The following ABCD2 variants were observed in gnomAD, a reference collection of about 807,000 sequenced individuals.
The protein encoded by ABCD2 is ATP-binding cassette sub-family D member 2.
In ABCD2, 36 loss-of-function variants were observed where a neutral mutation model predicts 70.9. The ratio of observed to expected loss-of-function variants is 0.51; its 90% CI spans 0.39 to 0.67. The LOEUF (loss-of-function observed/expected upper bound fraction) is 0.67. Among genes scored for constraint, ABCD2 ranks in the 30% least tolerant of loss-of-function variants. The probability of loss-of-function intolerance (pLI) is 0.00; values close to 1 mark genes in which losing one functional copy is unlikely to be tolerated. For missense variants in ABCD2, 729 were observed against 890.2 expected (o/e 0.82, Z 2.30); for synonymous variants, 304 against 306.9 (o/e 0.99, Z 0.10).
At chr12:39,574,198 T>C (rs1941486658) in intron 8 of ABCD2, among the ~76,000 whole-genome samples, 1 of 152,086 alleles carries the variant, frequency 6.6e-6, no homozygotes, top group African/African-American at 2.4e-5. Context: ...ACTAACTACA[T>C]GAAAAATACA....
intron 7 of ABCD2, among the ~76,000 whole-genome samples, chr12:39,582,207 A>C (rs948562469): frequency 3.3e-5 from 5 of 152,194 alleles, no homozygotes; most frequent in African/African-American, 9.7e-5. Context: ...TATTGTTTAA[A>C]AAGCCAGGAG....
chr12:39,600,752 T>C (rs1941886262), intron 5 of ABCD2, 36 bp from the exon 6 acceptor site: 1 of 1,539,238 alleles, frequency 6.5e-7, no homozygotes, highest in Non-Finnish European at 8.8e-7. Flanking sequence ...CTGCAATAGT[T>C]TAAAATGATT....
intron 9 of ABCD2, among the ~76,000 whole-genome samples, 187 bp downstream of exon 9, chr12:39,573,529 T>C (rs1207998232): frequency 6.6e-6 from 1 of 152,140 alleles, no homozygotes; most frequent in Admixed American, 6.6e-5. Context: ...AAACTGATGA[T>C]AATTCAAATA....
chr12:39,597,539 A>G (rs905368498), intron 6 of ABCD2, among the ~76,000 whole-genome samples: 1 of 152,198 alleles, frequency 6.6e-6, no homozygotes, highest in African/African-American at 2.4e-5. Context: ...TTCAGGATCT[A>G]TGTCCAAATG....
intron 7 of ABCD2, among the ~76,000 whole-genome samples, chr12:39,583,222 A>G (rs1431907464): frequency 6.6e-6 from 1 of 152,112 alleles, no homozygotes; most frequent in East Asian, 1.9e-4. Context: ...GTCTTATTTA[A>G]TCTTCACAAA....
the ABCD2 span, among the ~76,000 whole-genome samples, chr12:39,543,118 G>A: frequency 6.6e-6 from 1 of 152,184 alleles, no homozygotes; most frequent in Non-Finnish European, 1.5e-5. Context: ...GGTATGATCA[G>A]TATAGTTTTT....
the ABCD2 span, among the ~76,000 whole-genome samples, chr12:39,534,689 AGGAAGGAAGGAC>A: frequency 1.2e-5 from 1 of 86,376 alleles, no homozygotes; most frequent in Non-Finnish European, 2.4e-5. Context: ...GAAGGAAGGA[AGGAAGGAAGGAC>A]GGAAGGAAGG....
At chr12:39,533,478 A>T in the ABCD2 span, among the ~76,000 whole-genome samples, 1 of 152,210 alleles carries the variant, frequency 6.6e-6, no homozygotes, top group South Asian at 2.1e-4. Flanking sequence ...ATGAATTAAT[A>T]GTTTCTTGAG....
intron 6 of ABCD2, among the ~76,000 whole-genome samples, chr12:39,599,637 A>T (rs915550023): frequency 6.6e-6 from 1 of 152,212 alleles, no homozygotes; most frequent in Admixed American, 6.5e-5. Context: ...AAAAACCCAC[A>T]AAACCTCATC....
intron 9 of ABCD2, among the ~76,000 whole-genome samples, chr12:39,570,256 G>T (rs1411941001): frequency 6.6e-6 from 1 of 152,172 alleles, no homozygotes; most frequent in Non-Finnish European, 1.5e-5. Flanking sequence ...GTGTGCAACT[G>T]CAAAACACCC....
the ABCD2 span, among the ~76,000 whole-genome samples, chr12:39,534,612 G>T: frequency 3.5e-4 from 53 of 150,292 alleles, 1 homozygote; most frequent in African/African-American, 1.3e-3. Context: ...AGGAGTTTGA[G>T]ACCAATGTGG....
At chr12:39,603,764 G>T in intron 5 of ABCD2, 148 bp downstream of exon 5, 1 of 480,596 alleles carries the variant, frequency 2.1e-6, no homozygotes, top group Non-Finnish European at 3.6e-6. Flanking sequence ...AGGAATAACT[G>T]CTTCTGTAAT....
intron 5 of ABCD2, 134 bp from the exon 6 acceptor site, chr12:39,600,850 A>G (rs1941887772): frequency 1.3e-6 from 1 of 755,356 alleles, no homozygotes; most frequent in Non-Finnish European, 2.1e-6. Flanking sequence ...AAGGAAAAAT[A>G]TTTCAGGGTT....
intron 9 of ABCD2, among the ~76,000 whole-genome samples, chr12:39,568,552 C>T (rs1448714442): frequency 6.6e-6 from 1 of 152,020 alleles, no homozygotes; most frequent in Non-Finnish European, 1.5e-5. Context: ...AGGTTTTTAA[C>T]TTGTTTTCCA....
the ABCD2 span, among the ~76,000 whole-genome samples, chr12:39,532,396 C>G: frequency 6.6e-6 from 1 of 152,056 alleles, no homozygotes; most frequent in Non-Finnish European, 1.5e-5. Flanking sequence ...CACACAAATA[C>G]AAAGTAAAGA....
At chr12:39,605,001 A>G in intron 3 of ABCD2, 71 bp from the exon 4 acceptor site, 6 of 1,245,314 alleles carry the variant, frequency 4.8e-6, no homozygotes, top group Non-Finnish European at 6.5e-6. Flanking sequence ...ATATGTAATC[A>G]GATAAGCTTC....
intron 7 of ABCD2, among the ~76,000 whole-genome samples, chr12:39,585,742 TG>T (rs2120634176): frequency 6.6e-6 from 1 of 152,226 alleles, no homozygotes; most frequent in South Asian, 2.1e-4. Flanking sequence ...CTGGTCAGAT[TG>T]TGGGTCTGAA....
intron 9 of ABCD2, among the ~76,000 whole-genome samples, chr12:39,573,277 C>G (rs1276710398): frequency 2.0e-5 from 3 of 151,902 alleles, no homozygotes; most frequent in African/African-American, 4.8e-5. Flanking sequence ...TAAAAATAAG[C>G]CCTCCCCCCT....
At chr12:39,568,555 G>A (rs1343902107) in intron 9 of ABCD2, among the ~76,000 whole-genome samples, 1 of 151,912 alleles carries the variant, frequency 6.6e-6, no homozygotes, top group African/African-American at 2.4e-5. Context: ...TTTTTAACTT[G>A]TTTTCCATGG....
Sources: allele counts gnomAD v4.1 joint callset (sites outside exome capture counted in the v4.1 genomes callset), GRCh38; gene constraint gnomAD v4.1.1; transcripts MANE v1.5; gene names NCBI Gene and HGNC (gene_info 2026-07-23, HGNC 2026-07-21).